Variants in ZNF799 observed in about 807,000 individuals in gnomAD.
ZNF799 encodes zinc finger protein 799.
A neutral mutation model predicts 41.0 loss-of-function variants in ZNF799; 28 were observed. The ratio of observed to expected loss-of-function variants is 0.68; its 90% CI spans 0.51 to 0.94. The LOEUF (loss-of-function observed/expected upper bound fraction) is 0.94, where lower values mean the gene tolerates loss of function less well. ZNF799 is among the 40% of genes least tolerant of loss of function. The probability of loss-of-function intolerance (pLI) is 0.00; values close to 1 mark genes in which losing one functional copy is unlikely to be tolerated. For missense variants in ZNF799, 716 were observed against 764.3 expected (o/e 0.94, Z 0.74); for synonymous variants, 213 against 252.9 (o/e 0.84, Z 1.50).
At chr19:12,411,827 G>A in the ZNF799 span, among the ~76,000 whole-genome samples, 1 of 152,046 alleles carries the variant, frequency 6.6e-6, no homozygotes, top group African/African-American at 2.4e-5. Flanking sequence ...TGGTCAGGCT[G>A]GTATCGAACT....
intron 1 of ZNF799, chr19:12,395,140 CTT>C (rs60963007): frequency 9.8e-5 from 13 of 132,938 alleles, no homozygotes; most frequent in Admixed American, 1.5e-4. Context: ...ACAAAGCTGT[CTT>C]TTTTTTTTTT....
At chr19:12,402,416 C>CTTTTTT (rs745521629), upstream of ZNF799, among the ~76,000 whole-genome samples, 3 of 125,048 alleles carry the variant, frequency 2.4e-5, no homozygotes, top group Admixed American at 1.8e-4. Flanking sequence ...CCCTTTATTT[C>CTTTTTT]TTTTTTTTTT....
At chr19:12,409,254 G>A in the ZNF799 span, among the ~76,000 whole-genome samples, 1 of 152,148 alleles carries the variant, frequency 6.6e-6, no homozygotes, top group East Asian at 1.9e-4. Flanking sequence ...GCTCCTATGA[G>A]AATCTAATAC....
intron 1 of ZNF799, among the ~76,000 whole-genome samples, chr19:12,395,597 G>A (rs928461379): frequency 8.5e-5 from 13 of 152,196 alleles, no homozygotes; most frequent in Admixed American, 6.5e-5. Flanking sequence ...AAGTCATGGA[G>A]AAAAAGAGCT....
At position 12,391,423 on chromosome 19, in the gene ZNF799, T is replaced by C. The variant is rs1332605128; in HGVS notation, c.975A>G (p.Gln325=). Reference sequence around the variant, plus strand: ...CTCTCGTGTGCATTACCATGTGTCTTTGAAAGCTTCCCAGATGATGAAACG... The same window carrying C: ...CTCTCGTGTGCATTACCATGTGTCTCTGAAAGCTTCCCAGATGATGAAACG... ...GKAFHHLGSF[Q]RHMVMHTRDG... The change falls in exon 4 of 4, where the codon CAA becomes CAG. Residue 325 remains glutamine, a synonymous_variant. Transcript: ENST00000430385. 16 of 1,614,046 alleles carry C rather than the reference T, an allele frequency of 9.9e-6. No homozygotes were observed. Among genetic ancestry groups the C allele is most frequent in the Non-Finnish European group, 1.4e-5 (16 of 1,180,014 alleles).
upstream of ZNF799, among the ~76,000 whole-genome samples, chr19:12,406,219 C>G (rs1970029386): frequency 6.6e-6 from 1 of 150,830 alleles, no homozygotes; most frequent in African/African-American, 2.4e-5. Flanking sequence ...GTGGCTCACG[C>G]CTGTAATCCC....
the ZNF799 span, among the ~76,000 whole-genome samples, chr19:12,413,698 G>A: frequency 6.6e-6 from 1 of 152,226 alleles, no homozygotes; most frequent in African/African-American, 2.4e-5. Flanking sequence ...CCAGTAGTGG[G>A]AATATTGAGG....
intron 2 of ZNF799, among the ~76,000 whole-genome samples, chr19:12,392,930 T>C (rs74181654): frequency 1.4e-4 from 22 of 152,406 alleles, no homozygotes; most frequent in African/African-American, 4.6e-4. Context: ...AAAACCTTTC[T>C]GATGATGCAC....
chr19:12,410,321 A>G, the ZNF799 span, among the ~76,000 whole-genome samples: 12 of 148,420 alleles, frequency 8.1e-5, no homozygotes, highest in South Asian at 8.4e-4. Context: ...CACTTTTCAT[A>G]GAGATGAGAT....
the ZNF799 span, among the ~76,000 whole-genome samples, chr19:12,407,471 AAGAG>A: frequency 1.3e-5 from 2 of 151,254 alleles, no homozygotes; most frequent in Admixed American, 6.6e-5. Flanking sequence ...TAAAAAAAAA[AAGAG>A]AGAGAGAGAG....
rs759506386 is a variant in ZNF799, at chr19:12,390,929, T to C, written c.1469A>G (p.Tyr490Cys). Residue 490 changes from tyrosine to cysteine, a missense_variant, in exon 4 of 4, where the codon TAC becomes TGC. Physicochemically the swap from Tyr to Cys is radical, Grantham distance 194. Coordinates refer to ENST00000430385, the MANE Select transcript of ZNF799 (RefSeq NM_001080821.3). Reference sequence around the variant, plus strand: ...GTGAGTCCTTCTATGTTGAGAAAGGTATTGGAAACAACTGAATGCTTTCCC... The same window carrying C: ...GTGAGTCCTTCTATGTTGAGAAAGGCATTGGAAACAACTGAATGCTTTCCC... ...ECGKAFSCFQ[Y>C]LSQHRRTHTG... The C allele has an allele frequency of 5.0e-6, 8 of 1,613,062 alleles. No homozygotes were observed. The African/African-American group carries it at 1.1e-4, about 22-fold the overall frequency.
the ZNF799 span, among the ~76,000 whole-genome samples, chr19:12,407,856 G>C: frequency 6.6e-6 from 1 of 152,116 alleles, no homozygotes; most frequent in Non-Finnish European, 1.5e-5. Flanking sequence ...GAATTTACTG[G>C]TAAAATTTAA....
chr19:12,391,933 T>G lies in ZNF799; in HGVS notation c.465A>C (p.Ser155=), dbSNP rs1293255152. 2.5e-6 allele frequency: 4 copies of G among 1,614,194 alleles called. No homozygotes were observed. In the Admixed American group the frequency reaches 6.7e-5, roughly 27 times the overall value. ...QRGKAFSYHN[S]LQTHERLHTG... The stretch of plus-strand genomic sequence containing the variant: ...TGTGAAGCCTCTCATGTGTTTGAAG[T>G]GAGTTGTGGTAACTGAAGGCTTTCC... The change falls in exon 4 of 4, where the codon TCA becomes TCC. Residue 155 remains serine (S), a synonymous_variant. Transcript: ENST00000430385.
At position 12,390,160 on chromosome 19, in the gene ZNF799, T is replaced by C. The variant is rs180986673; in HGVS notation, c.*306A>G. On this transcript the variant is annotated 3_prime_UTR_variant, in exon 4 of 4. Transcript: ENST00000430385. ...CAATACAATAGAACAACTATTTGCA[T>C]AGCTTTTACAATGCATGAGGTATTT... 7.9e-6 allele frequency: 4 copies of C among 504,588 alleles called. No individual in the cohort carries two copies. Among genetic ancestry groups the C allele is most frequent in the African/African-American group, 5.7e-5 (3 of 52,324 alleles). 31.3% of individuals were successfully genotyped at this position (504,588 alleles called of 1,614,324 possible).
At chr19:12,412,375 G>A in the ZNF799 span, among the ~76,000 whole-genome samples, 1 of 151,180 alleles carries the variant, frequency 6.6e-6, no homozygotes, top group African/African-American at 2.5e-5. Context: ...TGTCTAGGAT[G>A]TCTATGTAAA....
In ZNF799 at chr19:12,391,150, AGT is replaced by A. The variant is rs770783358; in HGVS notation, c.1246_1247del (p.Thr416CysfsTer6). 4.3e-6 allele frequency: 7 copies of A among 1,614,096 alleles called. No homozygotes were observed. In the African/African-American group the frequency reaches 9.3e-5, roughly 22 times the overall value. ...SVFQRHEKTHTAEKPYKCKQC... is the reference protein window; with the variant it reads ...SVFQRHEKTHXAEKPYKCKQC... ...GTTTACATTTATAGGGTTTCTCTGC[AGT>A]GTGAGTCTTTTCATGCCTTTGAAAT... is the stretch of plus-strand genomic sequence containing the variant. On this transcript the variant is annotated frameshift_variant, in exon 4 of 4. Coordinates refer to ENST00000430385, the MANE Select transcript of ZNF799 (RefSeq NM_001080821.3). LOFTEE classifies it high-confidence loss of function.
intron 1 of ZNF799, among the ~76,000 whole-genome samples, chr19:12,399,672 C>T (rs1428168959): frequency 7.1e-6 from 1 of 141,326 alleles, no homozygotes; most frequent in Non-Finnish European, 1.5e-5. Context: ...GAGACAGGGT[C>T]GGCCTCTGTT....
At chr19:12,400,766 T>A in intron 1 of ZNF799, 1 of 561,168 alleles carries the variant, frequency 1.8e-6, no homozygotes, top group Non-Finnish European at 3.1e-6. Context: ...GTGCAGTGAG[T>A]CGGGCCGCGA....
intron 1 of ZNF799, 158 bp from the exon 2 acceptor site, chr19:12,393,581 C>T (rs1482526473): frequency 4.2e-6 from 6 of 1,434,590 alleles, no homozygotes; most frequent in Non-Finnish European, 4.6e-6. Flanking sequence ...TCACTTTCTC[C>T]TACACAGTAA....
Sources: gnomAD v4.1 joint callset for allele counts (sites outside exome capture counted in the v4.1 genomes callset) on GRCh38, gnomAD v4.1.1 for gene constraint, MANE v1.5 for transcripts, NCBI Gene and HGNC (gene_info 2026-07-23, HGNC 2026-07-21) for gene names.